RIMKLA: variants seen among roughly 807,000 people sequenced by gnomAD.
The protein encoded by RIMKLA is N-acetylaspartylglutamate synthase A.
In RIMKLA, 14 loss-of-function variants were observed where a neutral mutation model predicts 32.7. The observed-to-expected ratio is 0.43, with a 90% confidence interval of 0.28 to 0.67. The LOEUF is 0.67. RIMKLA is among the 30% of genes least tolerant of loss of function. The pLI is 0.18. For synonymous variants in RIMKLA, 176 were observed against 204.1 expected (o/e 0.86, Z 1.18); for missense variants, 410 against 519.0 (o/e 0.79, Z 2.04).
chr1:42,411,092 G>A (rs1185127412), intron 4 of RIMKLA, among the ~76,000 whole-genome samples: 1 of 152,190 alleles, frequency 6.6e-6, no homozygotes, highest in Non-Finnish European at 1.5e-5. Flanking sequence ...CATTTTGGAA[G>A]GCCAAGGCAG....
chr1:42,394,036 C>T (rs1328755318), intron 1 of RIMKLA, among the ~76,000 whole-genome samples: 4 of 152,240 alleles, frequency 2.6e-5, no homozygotes, highest in Admixed American at 1.3e-4. Flanking sequence ...CTGCCTGCCT[C>T]GGCCTTCCGA....
chr1:42,386,832 C>CTGAGT (rs1642952650), intron 1 of RIMKLA, among the ~76,000 whole-genome samples: 1 of 151,524 alleles, frequency 6.6e-6, no homozygotes, highest in Non-Finnish European at 1.5e-5. Flanking sequence ...TTGCAGTGAG[C>CTGAGT]TGAGATTACG....
chr1:42,397,683 C>A (rs1024489143), intron 1 of RIMKLA, among the ~76,000 whole-genome samples: 4 of 151,896 alleles, frequency 2.6e-5, no homozygotes, highest in African/African-American at 9.7e-5. Flanking sequence ...TGTGATCACA[C>A]CACTGTACTC....
chr1:42,402,793 G>A (rs1170254469), intron 2 of RIMKLA, among the ~76,000 whole-genome samples: 10 of 151,970 alleles, frequency 6.6e-5, no homozygotes, highest in East Asian at 5.8e-4. Context: ...GTTTCACTAC[G>A]TTGCCCAGGC....
At chr1:42,383,823 T>G (rs1232574692) in intron 1 of RIMKLA, among the ~76,000 whole-genome samples, 1 of 152,210 alleles carries the variant, frequency 6.6e-6, no homozygotes, top group Non-Finnish European at 1.5e-5. Flanking sequence ...TCTTCTAATT[T>G]CTAGCCCAGT....
intron 1 of RIMKLA, among the ~76,000 whole-genome samples, chr1:42,386,003 C>T (rs1642943341): frequency 6.6e-6 from 1 of 151,088 alleles, no homozygotes; most frequent in African/African-American, 2.4e-5. Context: ...CTCACTGCAA[C>T]TTCTGCCTCC....
chr1:42,414,682 T>C lies in RIMKLA; in HGVS notation c.884T>C (p.Ile295Thr). 6.2e-7 allele frequency: 1 copy of C among 1,614,208 alleles called. No individual in the cohort carries two copies. The highest frequency in any genetic ancestry group is 8.5e-7 in the Non-Finnish European group (1 of 1,180,026). Residue 295 changes from isoleucine (I) to threonine (T), a missense_variant, in exon 5 of 5, where the codon ATT (isoleucine) becomes ACT (threonine). Transcript: ENST00000431473. ...QACNLDVGGI[I>T]ADYTMSLLPN... ...TGCAACTTAGATGTGGGTGGGATCA[T>C]TGCAGACTATACCATGTCCTTGCTG...
chr1:42,409,986 A>G lies in RIMKLA; in HGVS notation c.484A>G (p.Lys162Glu). 1 of 1,613,804 alleles carries G rather than the reference A, an allele frequency of 6.2e-7. No homozygotes were observed. The highest frequency in any genetic ancestry group is 8.5e-7 in the Non-Finnish European group (1 of 1,179,676). ...TCTTGCTCTTTTTCTTCTTAAAGGA[A>G]AAGCTGTTTTTCTGGCAAGAGATAA... The part of the protein sequence containing the change: ...VVKSTRGHRG[K>E]AVFLARDKHH... The change falls in exon 4 of 5, where the codon AAA becomes GAA. Residue 162 changes from lysine (K) to glutamate (E), a missense_variant and splice_region_variant. By Grantham distance (56) the Lys-to-Glu change is moderately conservative (BLOSUM62 1). Transcript: ENST00000431473.
intron 1 of RIMKLA, among the ~76,000 whole-genome samples, chr1:42,386,842 GCCA>G (rs1642952803): frequency 6.6e-6 from 1 of 151,276 alleles, no homozygotes; most frequent in African/African-American, 2.4e-5. Flanking sequence ...CTGAGATTAC[GCCA>G]CTGCCCTCTA....
chr1:42,405,737 C>T (rs554181238), intron 3 of RIMKLA, among the ~76,000 whole-genome samples: 1 of 152,316 alleles, frequency 6.6e-6, no homozygotes, highest in South Asian at 2.1e-4. Flanking sequence ...GCAGGGTGAT[C>T]ATCACTGATA....
chr1:42,397,922 C>T (rs1263947322), intron 1 of RIMKLA, among the ~76,000 whole-genome samples: 1 of 152,072 alleles, frequency 6.6e-6, no homozygotes, highest in Non-Finnish European at 1.5e-5. Context: ...TAATACCAGC[C>T]ATAGGATGTC....
chr1:42,397,174 T>A (rs1643054939), intron 1 of RIMKLA, among the ~76,000 whole-genome samples: 1 of 152,202 alleles, frequency 6.6e-6, no homozygotes, highest in Non-Finnish European at 1.5e-5. Context: ...CTCCCCTTTT[T>A]AATCAGTGAA....
intron 1 of RIMKLA, among the ~76,000 whole-genome samples, chr1:42,387,102 A>G (rs1180893870): frequency 1.3e-5 from 2 of 150,922 alleles, no homozygotes; most frequent in Admixed American, 6.6e-5. Flanking sequence ...TTAGCCAGGC[A>G]TGGTGGAATG....
chr1:42,408,476 A>G (rs945557215), intron 3 of RIMKLA, among the ~76,000 whole-genome samples: 4 of 152,124 alleles, frequency 2.6e-5, no homozygotes, highest in Admixed American at 6.5e-5. Context: ...CTGGAGTTCA[A>G]TGGCGCGATC....
chr1:42,413,572 G>A (rs1643220323), intron 4 of RIMKLA, among the ~76,000 whole-genome samples: 1 of 150,664 alleles, frequency 6.6e-6, no homozygotes, highest in South Asian at 2.1e-4. Flanking sequence ...AAATGAAAAA[G>A]GTATTTATCG....
At chr1:42,388,259 C>T (rs1334766242) in intron 1 of RIMKLA, among the ~76,000 whole-genome samples, 4 of 152,074 alleles carry the variant, frequency 2.6e-5, no homozygotes, top group African/African-American at 9.7e-5. Flanking sequence ...GGCTGGAGTA[C>T]GGTGGTACGA....
chr1:42,383,464 A>G (rs904324903), intron 1 of RIMKLA, among the ~76,000 whole-genome samples: 16 of 152,230 alleles, frequency 1.1e-4, no homozygotes, highest in African/African-American at 3.6e-4. Flanking sequence ...TGCACGTAGT[A>G]GGCTCTCAAT....
At chr1:42,382,141 T>G (rs1557748448) in intron 1 of RIMKLA, among the ~76,000 whole-genome samples, 1 of 152,224 alleles carries the variant, frequency 6.6e-6, no homozygotes, top group African/African-American at 2.4e-5. Context: ...GTGGAATATA[T>G]CTGTTATAGA....
chr1:42,402,591 C>CT (rs34477169), intron 2 of RIMKLA, among the ~76,000 whole-genome samples: 13,727 of 142,612 alleles, frequency 0.096, 999 homozygotes, highest in East Asian at 0.26. Flanking sequence ...ACCTGGCTAA[C>CT]TTTTTTTTTT....
Sources: allele counts gnomAD v4.1 joint callset (sites outside exome capture counted in the v4.1 genomes callset), GRCh38; gene constraint gnomAD v4.1.1; transcripts MANE v1.5; gene names NCBI Gene and HGNC (gene_info 2026-07-23, HGNC 2026-07-21).